SLC2A9: variants seen among roughly 807,000 people sequenced by gnomAD.
The protein encoded by SLC2A9 is solute carrier family 2 member 9.
SLC2A9 carries 39 observed loss-of-function variants against 50.6 expected under a neutral mutation model. The ratio of observed to expected loss-of-function variants is 0.77; its 90% confidence interval spans 0.60 to 1.01. The LOEUF is 1.01. Among genes scored for constraint, SLC2A9 ranks in the 50% least tolerant of loss-of-function variants. SLC2A9 has a pLI of 0.00. For missense variants in SLC2A9, 686 were observed against 677.6 expected, an observed-to-expected ratio of 1.01 and a Z score of -0.14; for synonymous variants, 324 against 276.9, an observed-to-expected ratio of 1.17 and a Z score of -1.69.
intron 10 of SLC2A9, among the ~76,000 whole-genome samples, chr4:9,869,921 A>G (rs1369086283): frequency 6.6e-6 from 1 of 152,228 alleles, no homozygotes; most frequent in Non-Finnish European, 1.5e-5. Context: ...CAAACATATG[A>G]TTAGGTTAAG....
intron 6 of SLC2A9, among the ~76,000 whole-genome samples, chr4:9,933,807 C>A (rs1278514661): frequency 6.6e-6 from 1 of 152,204 alleles, no homozygotes; most frequent in Non-Finnish European, 1.5e-5. Flanking sequence ...GCCTGCTTGT[C>A]TTTTCCAGCT....
At chr4:9,933,610 G>C (rs77862592) in intron 6 of SLC2A9, among the ~76,000 whole-genome samples, 2 of 152,212 alleles carry the variant, frequency 1.3e-5, no homozygotes, top group South Asian at 2.1e-4. Flanking sequence ...TAGACTTTAG[G>C]GGGGTGAGGA....
At position 9,829,382 on chromosome 4, in the gene SLC2A9, A is replaced by G. The variant is rs1293692621; in HGVS notation, c.1420-2782T>C. 4.6e-5 allele frequency among the ~76,000 whole-genome samples: 7 copies of G among 152,200 alleles called. No homozygotes were observed. The East Asian group carries it at 1.4e-3, about 29-fold the overall frequency. ...TCAAGATGCTTAAAGACTTAAATGTAAAACCCAAAACTATAAAAACCCTAG... is the reference window on the plus strand; with the variant it reads ...TCAAGATGCTTAAAGACTTAAATGTGAAACCCAAAACTATAAAAACCCTAG... On this transcript the variant is annotated intron_variant, in intron 11 of 11. Coordinates refer to ENST00000264784, the MANE Select transcript of SLC2A9 (RefSeq NM_020041.3).
intron 5 of SLC2A9, among the ~76,000 whole-genome samples, chr4:9,975,692 G>A (rs1754682010): frequency 6.6e-6 from 1 of 152,142 alleles, no homozygotes; most frequent in Admixed American, 6.5e-5. Flanking sequence ...AAAGCAGTAT[G>A]GAAATTTCTC....
chr4:9,999,572 A>G (rs1014352408), intron 2 of SLC2A9, among the ~76,000 whole-genome samples: 14 of 152,138 alleles, frequency 9.2e-5, no homozygotes, highest in African/African-American at 3.4e-4. Flanking sequence ...TGGAATTGCA[A>G]GGAGGCCAAT....
At chr4:9,783,486 T>C (rs1373509359) in intron 3 of SLC2A9, 2 of 1,576,052 alleles carry the variant, frequency 1.3e-6, no homozygotes, top group South Asian at 1.2e-5. Flanking sequence ...AACCCCCTCA[T>C]GGATCTGCAT....
chr4:9,985,730 C>T lies in SLC2A9; in HGVS notation c.474G>A (p.Ser158=), dbSNP rs559926779. The change falls in exon 4 of 12, where the codon TCG becomes TCA. Residue 158 remains serine (S), a synonymous_variant. Transcript: ENST00000264784. ...GCATTTCAAAGGCTCCTGCCTGGAG[C>T]GAGCAGGCCATCAGCAATGCAGCAG... is the stretch of plus-strand genomic sequence containing the variant. The part of the protein sequence containing the change: ...AISAALLMAC[S]LQAGAFEMLI... 5 of 1,614,036 alleles carry T rather than the reference C, an allele frequency of 3.1e-6. No homozygotes were observed. Among genetic ancestry groups the T allele is most frequent in the Admixed American group, 1.7e-5 (1 of 60,022 alleles).
chr4:9,849,652 T>C (rs1050514089), intron 10 of SLC2A9, among the ~76,000 whole-genome samples: 2 of 152,178 alleles, frequency 1.3e-5, no homozygotes, highest in African/African-American at 2.4e-5. Context: ...AAAGGCCAAA[T>C]TGACTGTTAA....
intron 8 of SLC2A9, among the ~76,000 whole-genome samples, chr4:9,893,995 T>A (rs1179096103): frequency 6.6e-6 from 1 of 152,212 alleles, no homozygotes; most frequent in Non-Finnish European, 1.5e-5. Flanking sequence ...CAGGGCTAAC[T>A]ATTCAGAGAG....
At chr4:9,916,469 C>T (rs1033314606) in intron 7 of SLC2A9, among the ~76,000 whole-genome samples, 9 of 152,192 alleles carry the variant, frequency 5.9e-5, no homozygotes, top group Non-Finnish European at 1.2e-4. Flanking sequence ...TTTGAAACTG[C>T]ATGGCATTGA....
intron 2 of SLC2A9, among the ~76,000 whole-genome samples, chr4:10,000,940 C>G (rs1578270521): frequency 6.6e-6 from 1 of 152,318 alleles, no homozygotes; most frequent in South Asian, 2.1e-4. Context: ...CCTCACTCAT[C>G]CCTGACTGTT....
At chr4:9,974,108 A>G (rs1754378141) in intron 5 of SLC2A9, among the ~76,000 whole-genome samples, 1 of 152,222 alleles carries the variant, frequency 6.6e-6, no homozygotes, top group Non-Finnish European at 1.5e-5. Context: ...AAACCTCTCA[A>G]GAAACTAAGC....
intron 10 of SLC2A9, among the ~76,000 whole-genome samples, 170 bp downstream of exon 10, chr4:9,887,395 CAG>C (rs1323260731): frequency 6.6e-6 from 1 of 152,196 alleles, no homozygotes; most frequent in Non-Finnish European, 1.5e-5. Context: ...GGATAGACTG[CAG>C]ACAGTCGGCT....
chr4:9,945,002 C>T (rs1748854386), intron 5 of SLC2A9, among the ~76,000 whole-genome samples: 1 of 152,200 alleles, frequency 6.6e-6, no homozygotes, highest in African/African-American at 2.4e-5. Context: ...TCATTCCTGC[C>T]GTGGGGCCAC....
chr4:9,938,551 G>T (rs558252704), intron 6 of SLC2A9, among the ~76,000 whole-genome samples: 16 of 152,126 alleles, frequency 1.1e-4, no homozygotes, highest in African/African-American at 3.6e-4. Flanking sequence ...GATTACAGGC[G>T]TGAGCCACTG....
intron 11 of SLC2A9, among the ~76,000 whole-genome samples, chr4:9,830,712 C>T (rs1398774415): frequency 6.6e-6 from 1 of 152,222 alleles, no homozygotes; most frequent in Admixed American, 6.5e-5. Context: ...CATTTGCATG[C>T]AATTTTCTCT....
At chr4:9,890,851 G>C (rs1737272020) in intron 8 of SLC2A9, 140 bp from the exon 9 acceptor site, 1 of 731,026 alleles carries the variant, frequency 1.4e-6, no homozygotes, top group African/African-American at 1.7e-5. Context: ...CCTTCTTTAT[G>C]GCCACAGCCC....
chr4:9,943,885 C>G (rs1748641420), intron 5 of SLC2A9, among the ~76,000 whole-genome samples: 1 of 152,168 alleles, frequency 6.6e-6, no homozygotes, highest in Admixed American at 6.5e-5. Flanking sequence ...ATGGCTGTCT[C>G]CTTCCACCGC....
chr4:9,940,968 A>T (rs1389166172), intron 6 of SLC2A9, among the ~76,000 whole-genome samples: 4 of 152,228 alleles, frequency 2.6e-5, no homozygotes, highest in Admixed American at 6.5e-5. Context: ...CATCTAATTC[A>T]GTCCTCACAA....
Sources: allele counts gnomAD v4.1 joint callset (sites outside exome capture counted in the v4.1 genomes callset), GRCh38; gene constraint gnomAD v4.1.1; transcripts MANE v1.5; gene names NCBI Gene and HGNC (gene_info 2026-07-23, HGNC 2026-07-21).